The following GPLD1 variants were observed in gnomAD, a reference collection of about 807,000 sequenced individuals.
The protein encoded by GPLD1 is phosphatidylinositol-glycan-specific phospholipase D.
Under a neutral mutation model 112.6 loss-of-function variants are expected in GPLD1, and 84 were observed. The observed-to-expected ratio is 0.75, with a 90% CI of 0.63 to 0.89. The LOEUF is 0.89. Ranked by LOEUF, GPLD1 falls within the 40% of genes least tolerant of loss-of-function variation. The pLI is 0.00. For missense variants in GPLD1, 1,044 were observed against 1,051.5 expected (o/e 0.99, Z 0.10); for synonymous variants, 386 against 403.8 (o/e 0.96, Z 0.53).
rs1762249425 is a variant in GPLD1, at chr6:24,426,689, A to AGTGTCAG, written c.*2336_*2342dup. Among the ~76,000 whole-genome samples the AGTGTCAG allele has an allele frequency of 1.8e-5, 1 of 54,818 alleles. No individual in the cohort carries two copies. The highest frequency in any genetic ancestry group is 8.9e-4 in the South Asian group (1 of 1,120). The allele number at this position is 54,818 out of a possible 152,430, so 36.0% of individuals were successfully genotyped here. On this transcript the variant is annotated 3_prime_UTR_variant, in exon 25 of 25. Coordinates refer to ENST00000230036, the MANE Select transcript of GPLD1 (RefSeq NM_001503.4). ...ACTGAGAAAAACATCCCTTTACTCA[A>AGTGTCAG]GTGTCAGATGTCAGAGTGCTCTAAC...
chr6:24,455,804 C>T (rs984864268), intron 13 of GPLD1, among the ~76,000 whole-genome samples: 1 of 152,050 alleles, frequency 6.6e-6, no homozygotes, highest in African/African-American at 2.4e-5. Context: ...TTTAGTAAAC[C>T]GAAAGTTCCT....
chr6:24,479,121 G>T (rs956627275), intron 3 of GPLD1, among the ~76,000 whole-genome samples: 1 of 151,832 alleles, frequency 6.6e-6, no homozygotes, highest in African/African-American at 2.4e-5. Context: ...AACCAGAGAC[G>T]TGCAAGCCCC....
rs1460897161 is a variant in GPLD1 at position 24,445,658 on chromosome 6, C to T, written c.1927-19G>A. 1.9e-6 allele frequency: 3 copies of T among 1,598,864 alleles called. No homozygotes were observed. The highest frequency in any genetic ancestry group is 1.7e-4 in the Middle Eastern group (1 of 6,024). On this transcript the variant is annotated intron_variant, in intron 19 of 24. Coordinates refer to ENST00000230036, the MANE Select transcript of GPLD1 (RefSeq NM_001503.4). ...CCATTGCCTGTGAGACACAATAAAT[C>T]AATATTGTATAGGTGAGAAAACTTC...
chr6:24,429,269 T>C (rs947072351), intron 24 of GPLD1, 151 bp from the exon 25 acceptor site: 1 of 520,372 alleles, frequency 1.9e-6, no homozygotes, highest in Non-Finnish European at 3.4e-6. Flanking sequence ...CCACTTTCCC[T>C]TTGTTTACAG....
intron 15 of GPLD1, among the ~76,000 whole-genome samples, chr6:24,449,229 G>A (rs1763003923): frequency 6.6e-6 from 1 of 152,074 alleles, no homozygotes; most frequent in African/African-American, 2.4e-5. Flanking sequence ...AGTGTGAGGA[G>A]GAAGGGGCAA....
chr6:24,486,817 CAA>C (rs11322353), intron 1 of GPLD1, among the ~76,000 whole-genome samples: 17 of 149,664 alleles, frequency 1.1e-4, no homozygotes, highest in Non-Finnish European at 1.3e-4. Flanking sequence ...GGCTCTGTCT[CAA>C]AAAAAAAAAG....
intron 11 of GPLD1, among the ~76,000 whole-genome samples, chr6:24,460,640 G>A (rs1040571628): frequency 2.6e-5 from 4 of 152,026 alleles, no homozygotes; most frequent in Non-Finnish European, 5.9e-5. Flanking sequence ...TAATATCAGA[G>A]CTCTATGGTA....
chr6:24,449,486 G>A (rs940684647), intron 15 of GPLD1, among the ~76,000 whole-genome samples: 1 of 152,114 alleles, frequency 6.6e-6, no homozygotes, highest in Non-Finnish European at 1.5e-5. Flanking sequence ...AGATGAGCTG[G>A]GATTTCTGTC....
downstream of GPLD1, chr6:24,424,300 C>T (rs539257087): frequency 7.3e-5 from 11 of 151,448 alleles, no homozygotes; most frequent in African/African-American, 2.5e-4. Flanking sequence ...TTCACGTTCT[C>T]AGCCCCTGAG....
intron 14 of GPLD1, among the ~76,000 whole-genome samples, chr6:24,452,006 A>G (rs1763106892): frequency 6.6e-6 from 1 of 152,212 alleles, no homozygotes; most frequent in Non-Finnish European, 1.5e-5. Flanking sequence ...GTTTCCTATC[A>G]TAAACCTTCA....
At chr6:24,495,149 G>A in exon 1 of GPLD1, 12 of 1,428,302 alleles carry the variant, frequency 8.4e-6, no homozygotes, top group Non-Finnish European at 1.1e-5. Context: ...CTGGGCGCCT[G>A]GCGGGCCTCT....
At chr6:24,456,459 T>G in intron 13 of GPLD1, 39 bp downstream of exon 13, 1 of 1,342,322 alleles carries the variant, frequency 7.4e-7, no homozygotes, top group South Asian at 1.3e-5. Context: ...AAATTAATAC[T>G]GAAGAAAACA....
chr6:24,452,427 C>T (rs1016261304), intron 14 of GPLD1, among the ~76,000 whole-genome samples: 1 of 152,166 alleles, frequency 6.6e-6, no homozygotes, highest in African/African-American at 2.4e-5. Context: ...GGATTCAGAG[C>T]TCCTTTCATC....
At chr6:24,476,429 C>G (rs1388329517) in intron 3 of GPLD1, 151 bp from the exon 4 acceptor site, 2 of 591,162 alleles carry the variant, frequency 3.4e-6, no homozygotes, top group Non-Finnish European at 6.0e-6. Flanking sequence ...AAAGAAGCCT[C>G]TAAAACGGAA....
chr6:24,441,723 G>A (rs1406650241), intron 20 of GPLD1, among the ~76,000 whole-genome samples: 1 of 152,218 alleles, frequency 6.6e-6, no homozygotes, highest in Non-Finnish European at 1.5e-5. Flanking sequence ...TGGTCACACA[G>A]GCACTGCATT....
chr6:24,472,903 G>A (rs9467188), intron 6 of GPLD1, among the ~76,000 whole-genome samples: 3,530 of 151,606 alleles, frequency 0.023, 116 homozygotes, highest in African/African-American at 0.08. Context: ...AGCCTCCCTC[G>A]TAGCTGGGAT....
intron 22 of GPLD1, chr6:24,435,836 A>AAAAAAAAAAAAAAAAAAAAAAAAAAAAT (rs1427422814): frequency 2.7e-5 from 4 of 146,526 alleles, no homozygotes; most frequent in Non-Finnish European, 4.6e-5. Context: ...AAAAAAAAAA[A>AAAAAAAAAAAAAAAAAAAAAAAAAAAAT]AAAAAAAAAA....
At chr6:24,482,306 A>C (rs1462561472) in intron 2 of GPLD1, among the ~76,000 whole-genome samples, 1 of 151,258 alleles carries the variant, frequency 6.6e-6, no homozygotes, top group Non-Finnish European at 1.5e-5. Context: ...TTTGAGACAG[A>C]ATCTCGCTCT....
At chr6:24,434,214 G>A (rs1306850284) in intron 22 of GPLD1, among the ~76,000 whole-genome samples, 1 of 151,772 alleles carries the variant, frequency 6.6e-6, no homozygotes, top group South Asian at 2.1e-4. Context: ...CTTGGCCAAC[G>A]TGGTGAAACC....
Sources: allele counts gnomAD v4.1 joint callset (sites outside exome capture counted in the v4.1 genomes callset), GRCh38; gene constraint gnomAD v4.1.1; transcripts MANE v1.5; gene names NCBI Gene and HGNC (gene_info 2026-07-23, HGNC 2026-07-21).